Variants in GLIS3 observed in about 807,000 individuals in gnomAD.
GLIS3 encodes zinc finger protein GLIS3.
In GLIS3, 53 loss-of-function variants were observed where a neutral mutation model predicts 78.6. That is an observed-to-expected ratio of 0.67 (90% CI 0.54 to 0.85). The LOEUF is 0.85. Ranked by LOEUF, GLIS3 falls within the 40% of genes least tolerant of loss-of-function variation. The pLI, the probability that GLIS3 is intolerant of heterozygous loss-of-function variation, is 0.00. For missense variants in GLIS3, 1,703 were observed against 1,231.1 expected (o/e 1.38, Z -5.74); for synonymous variants, 684 against 509.9 (o/e 1.34, Z -4.60).
chr9:4,458,691 G>T, the GLIS3 span, among the ~76,000 whole-genome samples: 1 of 152,140 alleles, frequency 6.6e-6, no homozygotes, highest in Non-Finnish European at 1.5e-5. Flanking sequence ...GGGACTACTC[G>T]GGAGGCTGAG....
chr9:4,387,500 T>C, the GLIS3 span, among the ~76,000 whole-genome samples: 1 of 152,210 alleles, frequency 6.6e-6, no homozygotes, highest in Non-Finnish European at 1.5e-5. Flanking sequence ...TATGACATTC[T>C]AGAGATGGCT....
intron 4 of GLIS3, among the ~76,000 whole-genome samples, chr9:4,075,615 G>T (rs1275676767): frequency 6.6e-6 from 1 of 151,942 alleles, no homozygotes; most frequent in Non-Finnish European, 1.5e-5. Context: ...ATTCGATAGG[G>T]ATCAATATAT....
chr9:4,354,170 T>C, the GLIS3 span, among the ~76,000 whole-genome samples: 1 of 151,968 alleles, frequency 6.6e-6, no homozygotes, highest in Non-Finnish European at 1.5e-5. Flanking sequence ...CAAGAGGGCT[T>C]TTTAAAAAAG....
At chr9:3,890,540 A>G (rs1283020770) in intron 7 of GLIS3, among the ~76,000 whole-genome samples, 3 of 152,174 alleles carry the variant, frequency 2.0e-5, no homozygotes, top group East Asian at 3.8e-4. Context: ...GCATCTGCCA[A>G]TTGCCGGGGA....
At chr9:3,962,801 C>T (rs757078420) in intron 4 of GLIS3, among the ~76,000 whole-genome samples, 22 of 152,096 alleles carry the variant, frequency 1.4e-4, no homozygotes, top group Non-Finnish European at 2.5e-4. Flanking sequence ...GGATCCCCCA[C>T]CCCGAAACCC....
chr9:4,195,440 G>C (rs998359044), intron 2 of GLIS3, among the ~76,000 whole-genome samples: 6 of 152,192 alleles, frequency 3.9e-5, no homozygotes, highest in African/African-American at 1.4e-4. Context: ...CTTAGCACCC[G>C]GGCCAGCAGC....
chr9:4,461,120 G>A, the GLIS3 span, among the ~76,000 whole-genome samples: 3 of 152,130 alleles, frequency 2.0e-5, no homozygotes, highest in African/African-American at 7.2e-5. Flanking sequence ...CTTTTTCTGT[G>A]ATACTCTCAC....
At chr9:4,473,061 T>A in the GLIS3 span, among the ~76,000 whole-genome samples, 28 of 152,284 alleles carry the variant, frequency 1.8e-4, no homozygotes, top group Non-Finnish European at 3.4e-4. Flanking sequence ...GTTGAACTAA[T>A]TTACACTCCA....
intron 4 of GLIS3, among the ~76,000 whole-genome samples, chr9:4,091,411 G>C (rs1829491132): frequency 6.6e-6 from 1 of 151,902 alleles, no homozygotes; most frequent in Admixed American, 6.6e-5. Context: ...TGTAAGATTG[G>C]TACACGGTAA....
chr9:4,171,784 T>C (rs1279132067), intron 2 of GLIS3, among the ~76,000 whole-genome samples: 1 of 152,230 alleles, frequency 6.6e-6, no homozygotes, highest in Non-Finnish European at 1.5e-5. Context: ...ATAATGAGTG[T>C]AATTTGGAAC....
the GLIS3 span, among the ~76,000 whole-genome samples, chr9:4,374,999 C>A: frequency 6.6e-6 from 1 of 152,176 alleles, no homozygotes; most frequent in South Asian, 2.1e-4. Context: ...ATTTCAACCC[C>A]CCTACTGTTG....
At chr9:4,341,219 A>C (rs191703431) in intron 2 of GLIS3, among the ~76,000 whole-genome samples, 76 of 152,216 alleles carry the variant, frequency 5.0e-4, no homozygotes, top group African/African-American at 1.7e-3. Flanking sequence ...CTATCCATCT[A>C]CTTCCACTTC....
chr9:4,348,737 G>C (rs1051668892), upstream of GLIS3, among the ~76,000 whole-genome samples: 1 of 151,896 alleles, frequency 6.6e-6, no homozygotes, highest in African/African-American at 2.4e-5. Context: ...TTATGTTTTA[G>C]AGGAATCTTA....
At chr9:4,313,395 C>T (rs1445669634) in intron 2 of GLIS3, among the ~76,000 whole-genome samples, 1 of 152,166 alleles carries the variant, frequency 6.6e-6, no homozygotes, top group African/African-American at 2.4e-5. Flanking sequence ...TCCCTGCTTT[C>T]TGGATGTTTC....
At chr9:4,482,546 C>T in the GLIS3 span, among the ~76,000 whole-genome samples, 1 of 152,184 alleles carries the variant, frequency 6.6e-6, no homozygotes, top group Non-Finnish European at 1.5e-5. Flanking sequence ...ATGACCTCCT[C>T]CTCACTTGCC....
chr9:3,975,555 G>C (rs1250327132), intron 4 of GLIS3, among the ~76,000 whole-genome samples: 1 of 147,286 alleles, frequency 6.8e-6, no homozygotes, highest in East Asian at 2.1e-4. Context: ...TTCTGCATTT[G>C]CATTGCATCA....
At position 4,286,194 on chromosome 9, in the gene GLIS3, G is replaced by C. The variant is rs148168366; in HGVS notation, c.232C>G (p.Arg78Gly). Residue 78 changes from arginine to glycine, a missense_variant, in exon 2 of 11, where the codon CGC becomes GGC. Coordinates refer to ENST00000381971, the MANE Select transcript of GLIS3 (RefSeq NM_001042413.2). ...GGGCTTAAGGCAGGCAGATGGATGC[G>C]GCTCTCAGCCACGTTGTTCTGAGGA... ...MAPQNNVAESRIHLPALSPRR... is the reference protein window; with the variant it reads ...MAPQNNVAESGIHLPALSPRR... 465 of 1,614,192 alleles carry C rather than the reference G, an allele frequency of 2.9e-4. No homozygotes were observed. In the African/African-American group the frequency reaches 5.1e-3, roughly 18 times the overall value.
upstream of GLIS3, among the ~76,000 whole-genome samples, chr9:4,351,467 G>C (rs370341943): frequency 1.2e-4 from 18 of 150,530 alleles, no homozygotes; most frequent in East Asian, 3.9e-4. Flanking sequence ...TAGTGCTTGA[G>C]TTCATTACAA....
At chr9:3,862,355 T>C (rs1160593044) in intron 8 of GLIS3, among the ~76,000 whole-genome samples, 1 of 152,182 alleles carries the variant, frequency 6.6e-6, no homozygotes, top group Admixed American at 6.5e-5. Context: ...AATCTAGCAA[T>C]GGCAAGTGTT....
Sources: gnomAD v4.1 joint callset for allele counts (sites outside exome capture counted in the v4.1 genomes callset) on GRCh38, gnomAD v4.1.1 for gene constraint, MANE v1.5 for transcripts, NCBI Gene and HGNC (gene_info 2026-07-23, HGNC 2026-07-21) for gene names.